The following VPS26C variants were observed in gnomAD, a reference collection of about 807,000 sequenced individuals.
The protein encoded by VPS26C is VPS26 endosomal protein sorting factor C, also known as vacuolar protein sorting-associated protein 26C.
VPS26C carries 19 observed loss-of-function variants against 30.6 expected under a neutral mutation model. The observed-to-expected ratio is 0.62, with a 90% CI of 0.43 to 0.91. The LOEUF is 0.91. Among genes scored for constraint, VPS26C ranks in the 40% least tolerant of loss-of-function variants. The pLI, the probability that VPS26C is intolerant of heterozygous loss-of-function variation, is 0.00. For missense variants in VPS26C, 318 were observed against 385.1 expected (o/e 0.83, Z 1.46); for synonymous variants, 132 against 151.5 (o/e 0.87, Z 0.95).
chr21:37,231,657 G>C (rs2085965267), intron 5 of VPS26C: 1 of 152,472 alleles, frequency 6.6e-6, no homozygotes, highest in Non-Finnish European at 1.5e-5. Context: ...CATCCAGGAA[G>C]AACTACAGGA....
intron 1 of VPS26C, among the ~76,000 whole-genome samples, chr21:37,245,807 T>C (rs142139442): frequency 6.6e-6 from 1 of 152,242 alleles, no homozygotes; most frequent in Non-Finnish European, 1.5e-5. Context: ...CAATTGCTTC[T>C]ATAAAGGATG....
At chr21:37,259,865 T>TA (rs1410968136) in intron 1 of VPS26C, among the ~76,000 whole-genome samples, 12 of 152,144 alleles carry the variant, frequency 7.9e-5, no homozygotes, top group African/African-American at 2.9e-4. Context: ...CATTGTGGCA[T>TA]ACAAAGGGCA....
intron 1 of VPS26C, among the ~76,000 whole-genome samples, chr21:37,252,331 C>A (rs2086202314): frequency 6.6e-6 from 1 of 152,204 alleles, no homozygotes; most frequent in South Asian, 2.1e-4. Context: ...GTATCCCCAT[C>A]TCCACTATTT....
At chr21:37,231,417 C>T (rs1013796230) in intron 5 of VPS26C, 1 of 152,252 alleles carries the variant, frequency 6.6e-6, no homozygotes, top group Non-Finnish European at 1.5e-5. Context: ...GAGTGGCCCA[C>T]TGGGGTCGCG....
intron 1 of VPS26C, among the ~76,000 whole-genome samples, chr21:37,255,937 G>T (rs1478745255): frequency 1.4e-5 from 2 of 139,962 alleles, no homozygotes; most frequent in Non-Finnish European, 3.0e-5. Context: ...CCAGGTTCAA[G>T]TGATTCTCCT....
chr21:37,262,543 C>T (rs1383619458), intron 1 of VPS26C, among the ~76,000 whole-genome samples: 3 of 152,126 alleles, frequency 2.0e-5, no homozygotes, highest in Non-Finnish European at 4.4e-5. Context: ...CTGAATGAAG[C>T]TGATTGATTA....
intron 1 of VPS26C, among the ~76,000 whole-genome samples, chr21:37,241,167 T>C (rs1273655638): frequency 1.3e-5 from 2 of 152,278 alleles, no homozygotes; most frequent in African/African-American, 4.8e-5. Flanking sequence ...ATGCCTACTG[T>C]GAGCAAGACT....
rs1047198328 is a variant in VPS26C, at chr21:37,224,185, C to T, written c.*1359G>A. 2 of 152,254 alleles carry T rather than the reference C, an allele frequency of 1.3e-5. No homozygotes were observed. Among genetic ancestry groups the T allele is most frequent in the Non-Finnish European group, 1.5e-5 (1 of 68,072 alleles). The allele number at this position is 152,254 out of a possible 1,614,324, so 9.4% of individuals were successfully genotyped here. Reference sequence around the variant, plus strand: ...CTGCTGTTCAGAACCTACCCAGTAACAACAGGAGCAAACATACATGTTTTC... The same window carrying T: ...CTGCTGTTCAGAACCTACCCAGTAATAACAGGAGCAAACATACATGTTTTC... On this transcript the variant is annotated 3_prime_UTR_variant, in exon 8 of 8. Transcript: ENST00000309117.
intron 1 of VPS26C, among the ~76,000 whole-genome samples, chr21:37,263,799 T>C (rs1222790264): frequency 6.6e-6 from 1 of 152,122 alleles, no homozygotes; most frequent in Non-Finnish European, 1.5e-5. Context: ...GTAAGTCAAA[T>C]CTTTGGTAAC....
chr21:37,267,766 G>C, upstream of VPS26C: 1 of 191,470 alleles, frequency 5.2e-6, no homozygotes, highest in Non-Finnish European at 1.1e-5. Context: ...CAATGGAGTT[G>C]TCTTTCAGGA....
intron 3 of VPS26C, chr21:37,238,220 G>A: frequency 2.0e-6 from 1 of 489,790 alleles, no homozygotes; most frequent in South Asian, 2.9e-5. Flanking sequence ...GAGCCCAGAA[G>A]AAACAGAGGG....
chr21:37,241,365 C>T (rs933206635), intron 1 of VPS26C, among the ~76,000 whole-genome samples: 4 of 152,150 alleles, frequency 2.6e-5, no homozygotes, highest in Admixed American at 2.0e-4. Flanking sequence ...TAATAGATTA[C>T]GGATAGTAAC....
chr21:37,235,890 T>C (rs1486661447), intron 3 of VPS26C, among the ~76,000 whole-genome samples: 1 of 144,866 alleles, frequency 6.9e-6, no homozygotes, highest in Non-Finnish European at 1.5e-5. Context: ...TTTTTTTTTT[T>C]AATTAAAAAA....
chr21:37,225,429 A>G lies in VPS26C; in HGVS notation c.*115T>C, dbSNP rs1299540253. The G allele has an allele frequency of 4.6e-5, 40 of 868,712 alleles. No individual in the cohort carries two copies. The highest frequency in any genetic ancestry group is 7.5e-5 in the Non-Finnish European group (40 of 532,492). 53.8% of individuals were successfully genotyped at this position (868,712 alleles called of 1,614,324 possible). On this transcript the variant is annotated 3_prime_UTR_variant, in exon 8 of 8. Transcript: ENST00000309117. ...TTTGAGGGTCTGTTTCATTTCTGAT[A>G]CAGAATAATCACAAAAACAAGTATA...
chr21:37,265,583 T>C (rs541038964), intron 1 of VPS26C, among the ~76,000 whole-genome samples: 1 of 152,356 alleles, frequency 6.6e-6, no homozygotes, highest in South Asian at 2.1e-4. Context: ...TTCTATTTGG[T>C]TCTCATGTCC....
chr21:37,266,974 C>G, intron 1 of VPS26C: 1 of 536,582 alleles, frequency 1.9e-6, no homozygotes, highest in Non-Finnish European at 3.3e-6. Flanking sequence ...GAGCGCAGCC[C>G]CGGAGCTGGG....
In VPS26C at chr21:37,262,768, ATT is replaced by A. The variant is rs755196084; in HGVS notation, c.57+4468_57+4469del. On this transcript the variant is annotated intron_variant, in intron 1 of 7. Coordinates refer to ENST00000309117, the MANE Select transcript of VPS26C (RefSeq NM_006052.2). ...TTTTACCTTCTTCTGTAGCACGTTAATTTTTTTTTTTTTTTTTGAGACAGAGT... is the reference window on the plus strand; with the variant it reads ...TTTTACCTTCTTCTGTAGCACGTTAATTTTTTTTTTTTTTTGAGACAGAGT... Among the ~76,000 whole-genome samples the A allele has an allele frequency of 8.6e-3, 1,209 of 141,342 alleles. 10 individuals carry two copies. The highest frequency in any genetic ancestry group is 0.03 in the African/African-American group (1,147 of 38,554). The allele number at this position is 141,342 out of a possible 152,430, so 92.7% of individuals were successfully genotyped here. A position where few individuals can be genotyped will look rare whatever the true frequency, so the allele number is the denominator to read the frequency against.
At chr21:37,240,788 C>G in intron 1 of VPS26C, 149 bp from the exon 2 acceptor site, 1 of 1,135,262 alleles carries the variant, frequency 8.8e-7, no homozygotes, top group Non-Finnish European at 1.2e-6. Context: ...GGAGAAGGCC[C>G]AGGTCCTGGT....
At chr21:37,258,095 A>T (rs897234077) in intron 1 of VPS26C, among the ~76,000 whole-genome samples, 8 of 152,318 alleles carry the variant, frequency 5.3e-5, no homozygotes, top group South Asian at 2.1e-4. Context: ...TCACACTACG[A>T]GGTTAACTGC....
Sources: allele counts gnomAD v4.1 joint callset (sites outside exome capture counted in the v4.1 genomes callset), GRCh38; gene constraint gnomAD v4.1.1; transcripts MANE v1.5; gene names NCBI Gene and HGNC (gene_info 2026-07-23, HGNC 2026-07-21).